The following UBE2O variants were observed in gnomAD, a reference collection of about 807,000 sequenced individuals.
UBE2O encodes the protein (E3-independent) E2 ubiquitin-conjugating enzyme.
UBE2O carries 15 observed loss-of-function variants against 125.8 expected under a neutral mutation model. The observed-to-expected ratio is 0.12, with a 90% CI of 0.08 to 0.18. The LOEUF is 0.18. Among genes scored for constraint, UBE2O ranks in the 10% least tolerant of loss-of-function variants. UBE2O has a pLI of 1.00. For synonymous variants in UBE2O, 708 were observed against 703.2 expected (o/e 1.01, Z -0.11); for missense variants, 1,280 against 1,723.6 (o/e 0.74, Z 4.56).
intron 1 of UBE2O, among the ~76,000 whole-genome samples, chr17:76,426,127 T>C (rs1462083340): frequency 3.3e-5 from 5 of 152,206 alleles, no homozygotes; most frequent in African/African-American, 9.7e-5. Context: ...TTCAGCCTCC[T>C]GAGTAGCTGG....
rs1353097287 is a variant in UBE2O at position 76,410,875 on chromosome 17, C to G, written c.418-5303G>C. Among the ~76,000 whole-genome samples, 1 of 152,192 alleles carries G rather than the reference C, an allele frequency of 6.6e-6. No homozygotes were observed. The highest frequency in any genetic ancestry group is 2.4e-5 in the African/African-American group (1 of 41,448). The stretch of plus-strand genomic sequence containing the variant: ...AAAGCAACTAGCTCGTCCTGCAGCT[C>G]CTGGTCCAGACTCTCATTCATAACA... On this transcript the variant is annotated intron_variant, in intron 1 of 17. Transcript: ENST00000319380. This position sits in a 1 kb window ranked among gnomAD's most constrained non-coding sequence, Gnocchi z 4.0.
At position 76,396,156 on chromosome 17, in the gene UBE2O, C is replaced by T. The variant is rs555117871; in HGVS notation, c.2781G>A (p.Glu927=). The T allele has an allele frequency of 1.9e-6, 3 of 1,612,924 alleles. No homozygotes were observed. Among genetic ancestry groups the T allele is most frequent in the Admixed American group, 3.3e-5 (2 of 59,952 alleles). Residue 927 remains glutamate (E), a synonymous_variant, in exon 14 of 18, where the codon GAG becomes GAA. Coordinates refer to ENST00000319380, the MANE Select transcript of UBE2O (RefSeq NM_022066.4). The surrounding 1 kb of genome is among the most constrained non-coding windows in gnomAD (Gnocchi z 6.7). ...GTGCAAACTCCAGTACGGAGAAGAC[C>T]TCGCCCTTGGCGCTGGTGAAGGTGA... ...PGVTFTSAKG[E]VFSVLEFAPS...
chr17:76,415,692 C>T (rs1221414961), intron 1 of UBE2O, among the ~76,000 whole-genome samples: 2 of 151,972 alleles, frequency 1.3e-5, no homozygotes, highest in African/African-American at 4.8e-5. Context: ...GTAATCCCAG[C>T]TACTTAGGAG....
chr17:76,417,266 C>T (rs762117018), intron 1 of UBE2O, among the ~76,000 whole-genome samples: 1 of 152,212 alleles, frequency 6.6e-6, no homozygotes, highest in Non-Finnish European at 1.5e-5. Context: ...GCAGGCCAGC[C>T]GAAAGTCAAC....
intron 1 of UBE2O, among the ~76,000 whole-genome samples, chr17:76,435,367 A>G (rs913368577): frequency 6.6e-6 from 1 of 151,662 alleles, no homozygotes; most frequent in Non-Finnish European, 1.5e-5. Flanking sequence ...GAATGTTGTG[A>G]TATTTGCATA....
rs759902938 is a variant in UBE2O at position 76,395,793 on chromosome 17, T to C, written c.2878A>G (p.Lys960Glu). Residue 960 changes from lysine to glutamate, a missense_variant, in exon 15 of 18, where the codon AAG (lysine) becomes GAG (glutamate). Physicochemically the swap from Lys to Glu is moderately conservative, Grantham distance 56. Transcript: ENST00000319380. This position sits in a 1 kb window ranked among gnomAD's most constrained non-coding sequence, Gnocchi z 5.0. ...EAKKFFSTVR[K>E]EMALLATSLP... The stretch of plus-strand genomic sequence containing the variant: ...GAGGTAGCCAGCAGCGCCATCTCCT[T>C]CCGCACTGTGCTGAAGAACTTCTTG... 1.9e-6 allele frequency: 3 copies of C among 1,614,206 alleles called. No homozygotes were observed. Among genetic ancestry groups the C allele is most frequent in the South Asian group, 1.1e-5 (1 of 91,082 alleles).
Position 76,396,491 on chromosome 17 carries a change from C to T in UBE2O, c.2446G>A (p.Glu816Lys). The T allele has an allele frequency of 1.2e-6, 2 of 1,614,016 alleles. No individual in the cohort carries two copies. Among genetic ancestry groups the T allele is most frequent in the Non-Finnish European group, 1.7e-6 (2 of 1,179,988 alleles). The change falls in exon 14 of 18, where the codon GAG becomes AAG. Residue 816 changes from glutamate to lysine, a missense_variant. Glu to Lys is a moderately conservative substitution (Grantham distance 56). Transcript: ENST00000319380. This position sits in a 1 kb window ranked among gnomAD's most constrained non-coding sequence, Gnocchi z 6.7. ...AGGCTCTCCAGGATCTTGATGGCCT[C>T]TTTCAACTCCCGGAAGCTCTTGGGT... ...GPPKSFRELK[E>K]AIKILESLKN...
chr17:76,448,692 C>A (rs1395511385), intron 1 of UBE2O, among the ~76,000 whole-genome samples: 1 of 152,276 alleles, frequency 6.6e-6, no homozygotes, highest in East Asian at 1.9e-4. Flanking sequence ...GAAGGCTGAA[C>A]TTGAACTGAC....
In UBE2O at chr17:76,390,647, G is replaced by A. The variant is rs976502006; in HGVS notation, c.*296C>T. 2 of 315,128 alleles carry A rather than the reference G, an allele frequency of 6.3e-6. No individual in the cohort carries two copies. The highest frequency in any genetic ancestry group is 1.0e-4 in the South Asian group (2 of 19,558). The allele number at this position is 315,128 out of a possible 1,614,324, so 19.5% of individuals were successfully genotyped here. Reference sequence around the variant, plus strand: ...ACACCCGCCTCTGACCTGAGAAGGGGCAGCAAGGGAGCAAGTGCCGGACAT... The same window carrying A: ...ACACCCGCCTCTGACCTGAGAAGGGACAGCAAGGGAGCAAGTGCCGGACAT... On this transcript the variant is annotated 3_prime_UTR_variant, in exon 18 of 18. Transcript: ENST00000319380.
At chr17:76,450,400 C>T (rs2073220248) in intron 1 of UBE2O, among the ~76,000 whole-genome samples, 1 of 152,058 alleles carries the variant, frequency 6.6e-6, no homozygotes, top group Admixed American at 6.5e-5. Flanking sequence ...CAAAACAAAC[C>T]TATTCTAAAT....
chr17:76,410,700 G>C lies in UBE2O; in HGVS notation c.418-5128C>G, dbSNP rs150832597. 6.6e-6 allele frequency among the ~76,000 whole-genome samples: 1 copy of C among 152,114 alleles called. No individual in the cohort carries two copies. The highest frequency in any genetic ancestry group is 1.5e-5 in the Non-Finnish European group (1 of 68,010). On this transcript the variant is annotated intron_variant, in intron 1 of 17. Coordinates refer to ENST00000319380, the MANE Select transcript of UBE2O (RefSeq NM_022066.4). This position sits in a 1 kb window ranked among gnomAD's most constrained non-coding sequence, Gnocchi z 4.0. The stretch of plus-strand genomic sequence containing the variant: ...TTTGAGCTCCCCGAAGCTATGCTGG[G>C]GGCCACTCAGAGCAGGCATTCAGGA...
At chr17:76,449,247 A>G (rs2073196859) in intron 1 of UBE2O, among the ~76,000 whole-genome samples, 1 of 152,252 alleles carries the variant, frequency 6.6e-6, no homozygotes, top group Non-Finnish European at 1.5e-5. Context: ...GCCACACCCT[A>G]TGAAACACTC....
chr17:76,446,937 A>C (rs746807610), intron 1 of UBE2O, among the ~76,000 whole-genome samples: 9 of 152,240 alleles, frequency 5.9e-5, no homozygotes, highest in Admixed American at 1.3e-4. Flanking sequence ...CTGAGGGGTC[A>C]GGGAATGAAA....
chr17:76,441,427 C>T (rs749846160), intron 1 of UBE2O, among the ~76,000 whole-genome samples: 9 of 152,214 alleles, frequency 5.9e-5, no homozygotes, highest in Non-Finnish European at 1.0e-4. Flanking sequence ...GATGATGAGT[C>T]CGCCTCATCC....
intron 1 of UBE2O, among the ~76,000 whole-genome samples, chr17:76,445,791 C>T (rs1026455326): frequency 5.3e-5 from 8 of 152,242 alleles, no homozygotes; most frequent in Non-Finnish European, 1.2e-4. Flanking sequence ...TTTTGCTCTT[C>T]CCTGGCTATA....
At position 76,391,325 on chromosome 17, in the gene UBE2O, C is replaced by T. The variant is rs2072110072; in HGVS notation, c.3497G>A (p.Ser1166Asn). The change falls in exon 18 of 18, where the codon AGC (serine) becomes AAC (asparagine). Residue 1166 changes from serine (S) to asparagine (N), a missense_variant. Ser to Asn is a conservative substitution (Grantham distance 46). Coordinates refer to ENST00000319380, the MANE Select transcript of UBE2O (RefSeq NM_022066.4). The surrounding 1 kb of genome is among the most constrained non-coding windows in gnomAD (Gnocchi z 8.4). ...QALPNGVPKA[S>N]SSPEPPAVAE... ...TACAGCTGGGGGCTCTGGCGAGCTG[C>T]TGGCCTTGGGCACCCCGTTGGGCAG... The T allele has an allele frequency of 6.2e-7, 1 of 1,612,924 alleles. No homozygotes were observed. Among genetic ancestry groups the T allele is most frequent in the South Asian group, 1.1e-5 (1 of 91,082 alleles).
At position 76,453,047 on chromosome 17, in the gene UBE2O, G is replaced by T. The variant is rs556759579; in HGVS notation, c.95C>A (p.Pro32His). The change falls in exon 1 of 18, where the codon CCC becomes CAC. Residue 32 changes from proline to histidine, a missense_variant. Physicochemically the swap from Pro to His is moderately conservative, Grantham distance 77. Coordinates refer to ENST00000319380, the MANE Select transcript of UBE2O (RefSeq NM_022066.4). ...PEAVPAPAAA[P>H]VPAPAPASDS... ...CGAGGCGGGCGCCGGCGCCGGGACG[G>T]GGGCTGCGGCTGGGGCCGGGACTGC... 4.3e-6 allele frequency: 6 copies of T among 1,405,276 alleles called. No homozygotes were observed. The East Asian group carries it at 1.5e-4, about 36-fold the overall frequency. The allele number at this position is 1,405,276 out of a possible 1,614,324, so 87.1% of individuals were successfully genotyped here. A position where few individuals can be genotyped will look rare whatever the true frequency, so the allele number is the denominator to read the frequency against.
At position 76,390,936 on chromosome 17, in the gene UBE2O, C is replaced by T. The variant is rs1237277273; in HGVS notation, c.*7G>A. On this transcript the variant is annotated 3_prime_UTR_variant, in exon 18 of 18. Transcript: ENST00000319380. The stretch of plus-strand genomic sequence containing the variant: ...CACGGTGATGCTCTTTCCTCTGTGC[C>T]TGGCAGCTACTTGTCCTCTGTGCAC... 5 of 1,591,400 alleles carry T rather than the reference C, an allele frequency of 3.1e-6. No individual in the cohort carries two copies. In the South Asian group the frequency reaches 5.7e-5, roughly 18 times the overall value.
rs780883248 is a variant in UBE2O, at chr17:76,391,946, C to T, written c.3114G>A (p.Lys1038=). The T allele has an allele frequency of 1.2e-6, 2 of 1,612,406 alleles. No individual in the cohort carries two copies. The highest frequency in any genetic ancestry group is 1.7e-5 in the Admixed American group (1 of 59,434). Residue 1038 remains lysine, a synonymous_variant, in exon 16 of 18, where the codon AAG becomes AAA. Coordinates refer to ENST00000319380, the MANE Select transcript of UBE2O (RefSeq NM_022066.4). The surrounding 1 kb of genome is among the most constrained non-coding windows in gnomAD (Gnocchi z 8.4). ...AGGTGCCCAGGAGGCTGACACACAC[C>T]TTCCCATTGTCATACAGGTTGGGGT... The part of the protein sequence containing the change: ...RLNPNLYDNG[K]VCVSLLGTWI...
Sources: allele counts gnomAD v4.1 joint callset (sites outside exome capture counted in the v4.1 genomes callset), GRCh38; gene constraint gnomAD v4.1.1; non-coding constraint Gnocchi (gnomAD v3.1); transcripts MANE v1.5; gene names NCBI Gene and HGNC (gene_info 2026-07-23, HGNC 2026-07-21).